Variants in NCOR1 observed in about 807,000 individuals in gnomAD.
The protein encoded by NCOR1 is nuclear receptor corepressor 1, also known as protein phosphatase 1, regulatory subunit 109.
NCOR1 carries 63 observed loss-of-function variants against 288.1 expected under a neutral mutation model. That is an observed-to-expected ratio of 0.22 (90% CI 0.18 to 0.27). The LOEUF is 0.27. NCOR1 is among the 10% of genes least tolerant of loss of function. The pLI, the probability that NCOR1 is intolerant of heterozygous loss-of-function variation, is 1.00. For missense variants in NCOR1, 2,397 were observed against 3,019.2 expected, an observed-to-expected ratio of 0.79 and a Z score of 4.83; for synonymous variants, 1,007 against 1,065.9, an observed-to-expected ratio of 0.94 and a Z score of 1.08.
At chr17:16,157,622 C>T (rs1464305485) in intron 6 of NCOR1, among the ~76,000 whole-genome samples, 1 of 152,136 alleles carries the variant, frequency 6.6e-6, no homozygotes, top group Non-Finnish European at 1.5e-5. Context: ...AATCCACTCA[C>T]TACAAATCAA....
chr17:16,127,357 GTATATATACATGTATGTATATATGTA>G (rs1387742244), intron 14 of NCOR1, among the ~76,000 whole-genome samples: 1 of 139,412 alleles, frequency 7.2e-6, no homozygotes, highest in Non-Finnish European at 1.5e-5. Flanking sequence ...ATATATGTAT[GTATATATACATGTATGTATATATGTA>G]TGTATATATA....
intron 23 of NCOR1, among the ~76,000 whole-genome samples, chr17:16,081,959 AG>A (rs1248950248): frequency 2.0e-5 from 3 of 152,248 alleles, no homozygotes; most frequent in Non-Finnish European, 4.4e-5. Flanking sequence ...TCTGCACGCC[AG>A]GAAGTAAAGA....
intron 42 of NCOR1, chr17:16,041,141 A>G (rs2057484319): frequency 6.6e-6 from 1 of 152,254 alleles, no homozygotes; most frequent in South Asian, 2.1e-4. Context: ...GAAACTCAGG[A>G]TATTTGCTGG....
chr17:16,147,499 G>T (rs2078174945), intron 9 of NCOR1, among the ~76,000 whole-genome samples: 1 of 152,196 alleles, frequency 6.6e-6, no homozygotes, highest in South Asian at 2.1e-4. Context: ...TCTAAATAGA[G>T]AAGAAAAGAC....
intron 44 of NCOR1, among the ~76,000 whole-genome samples, chr17:16,038,085 C>T (rs2056786364): frequency 6.6e-6 from 1 of 151,774 alleles, no homozygotes; most frequent in South Asian, 2.1e-4. Flanking sequence ...TTTTTTAAGA[C>T]CTCTAATCTC....
intron 35 of NCOR1, among the ~76,000 whole-genome samples, chr17:16,062,537 A>G (rs1004499697): frequency 6.6e-6 from 1 of 152,230 alleles, no homozygotes; most frequent in African/African-American, 2.4e-5. Context: ...ATAAATTTCA[A>G]TCTTGATTCC....
chr17:16,127,735 A>G lies in NCOR1; in HGVS notation c.1510-1529T>C, dbSNP rs1011343531. ...TGTGTATATATACATATATGTGTATATATGTGTGGAGATATATATATATAT... is the reference window on the plus strand; with the variant it reads ...TGTGTATATATACATATATGTGTATGTATGTGTGGAGATATATATATATAT... On this transcript the variant is annotated intron_variant, in intron 14 of 45. Coordinates refer to ENST00000268712, the MANE Select transcript of NCOR1 (RefSeq NM_006311.4). 1.7e-5 allele frequency among the ~76,000 whole-genome samples: 2 copies of G among 115,128 alleles called. 1 individual carries two copies. Among genetic ancestry groups the G allele is most frequent in the Non-Finnish European group, 3.8e-5 (2 of 52,068 alleles). 75.5% of individuals were successfully genotyped at this position (115,128 alleles called of 152,430 possible). A position where few individuals can be genotyped will look rare whatever the true frequency, so the allele number is the denominator to read the frequency against.
chr17:16,118,073 T>C, intron 17 of NCOR1, 46 bp from the exon 18 acceptor site: 1 of 1,573,800 alleles, frequency 6.4e-7, no homozygotes, highest in Non-Finnish European at 8.7e-7. Flanking sequence ...AGTCACCTGA[T>C]CAAGCAAACA....
At chr17:16,109,549 C>G (rs1273239827) in intron 18 of NCOR1, among the ~76,000 whole-genome samples, 3 of 152,116 alleles carry the variant, frequency 2.0e-5, no homozygotes, top group South Asian at 2.1e-4. Flanking sequence ...ATTATGTTGA[C>G]ATAATACTGA....
intron 3 of NCOR1, among the ~76,000 whole-genome samples, chr17:16,182,077 A>G (rs1210879799): frequency 6.6e-6 from 1 of 152,198 alleles, no homozygotes; most frequent in Non-Finnish European, 1.5e-5. Context: ...ATTGGAAGGC[A>G]CTCAGAGAAT....
intron 10 of NCOR1, among the ~76,000 whole-genome samples, chr17:16,145,057 G>A (rs963968543): frequency 5.3e-5 from 8 of 152,194 alleles, no homozygotes; most frequent in South Asian, 2.1e-4. Flanking sequence ...ACGCCACCAC[G>A]CCTGACTGGT....
At chr17:16,041,467 G>T (rs970072706) in intron 42 of NCOR1, among the ~76,000 whole-genome samples, 2 of 142,634 alleles carry the variant, frequency 1.4e-5, no homozygotes, top group Admixed American at 1.5e-4. Flanking sequence ...AGGCTGGAGT[G>T]CAATGGCGTG....
intron 9 of NCOR1, among the ~76,000 whole-genome samples, chr17:16,148,663 CAAAAAAAAAAAAAAA>C (rs397857284): frequency 6.2e-5 from 3 of 48,352 alleles, no homozygotes; most frequent in Non-Finnish European, 9.7e-5. Flanking sequence ...ATGTTCTTGG[CAAAAAAAAAAAAAAA>C]AAAAAAAAAA....
chr17:16,062,843 G>A (rs182660057), intron 35 of NCOR1, among the ~76,000 whole-genome samples: 154 of 152,138 alleles, frequency 1.0e-3, no homozygotes, highest in African/African-American at 3.5e-3. Context: ...AAAACACTTG[G>A]CTCCCACAAT....
chr17:16,080,177 C>A, intron 25 of NCOR1, 113 bp from the exon 26 acceptor site: 2 of 886,412 alleles, frequency 2.3e-6, no homozygotes, highest in East Asian at 2.6e-5. Flanking sequence ...AAAAAAGCAG[C>A]ACAAAACCCA....
intron 18 of NCOR1, among the ~76,000 whole-genome samples, chr17:16,112,002 TG>T (rs1410131182): frequency 1.3e-5 from 2 of 152,188 alleles, no homozygotes; most frequent in South Asian, 2.1e-4. Context: ...CCCGAGTAGC[TG>T]GGACTACAGG....
chr17:16,125,373 A>G (rs1405069197), intron 15 of NCOR1, among the ~76,000 whole-genome samples: 2 of 151,680 alleles, frequency 1.3e-5, no homozygotes, highest in Non-Finnish European at 2.9e-5. Context: ...GAAAATAAAT[A>G]AATAAAATAA....
Position 16,101,662 on chromosome 17 carries a change from C to G in NCOR1, c.2278G>C (p.Ala760Pro), listed in dbSNP as rs747350861. 2.5e-6 allele frequency: 4 copies of G among 1,614,186 alleles called. No homozygotes were observed. Among genetic ancestry groups the G allele is most frequent in the African/African-American group, 1.3e-5 (1 of 75,026 alleles). ...AVELEPTTET[A>P]PSTSPSLAVP... ...GCTAAGGAGGGAGATGTACTGGGTG[C>G]AGTTTCCGTGGTGGGCTCAAGCTCA... The change falls in exon 20 of 46, where the codon GCA becomes CCA. Residue 760 changes from alanine (A) to proline (P), a missense_variant. Around this residue, in one of 11 missense-constraint regions of NCOR1, gnomAD observed 1,872 missense variants for 2,187.8 expected, o/e 0.86. Coordinates refer to ENST00000268712, the MANE Select transcript of NCOR1 (RefSeq NM_006311.4).
chr17:16,180,414 C>A (rs1254603828), intron 3 of NCOR1, among the ~76,000 whole-genome samples: 1 of 152,190 alleles, frequency 6.6e-6, no homozygotes, highest in Non-Finnish European at 1.5e-5. Flanking sequence ...CCAGCAATCC[C>A]TCTTCTGGTT....
Sources: gnomAD v4.1 joint callset for allele counts (sites outside exome capture counted in the v4.1 genomes callset) on GRCh38, gnomAD v4.1.1 for gene constraint, gnomAD v4.1.1 regional missense constraint, MANE v1.5 for transcripts, NCBI Gene and HGNC (gene_info 2026-07-23, HGNC 2026-07-21) for gene names.